The following GREB1 variants were observed in gnomAD, a reference collection of about 807,000 sequenced individuals.
GREB1 encodes growth regulating estrogen receptor binding 1, also known as protein GREB1.
Under a neutral mutation model 200.7 loss-of-function variants are expected in GREB1, and 106 were observed. The ratio of observed to expected loss-of-function variants is 0.53; its 90% CI spans 0.45 to 0.62. GREB1 has a LOEUF of 0.62. Ranked by LOEUF, GREB1 falls within the 20% of genes least tolerant of loss-of-function variation. GREB1 has a pLI of 0.00. For synonymous variants in GREB1, 1,132 were observed against 1,092.4 expected, an observed-to-expected ratio of 1.04 and a Z score of -0.72; for missense variants, 2,243 against 2,556.8, an observed-to-expected ratio of 0.88 and a Z score of 2.65.
At chr2:11,610,528 G>A (rs116699397) in intron 17 of GREB1, among the ~76,000 whole-genome samples, 160 bp from the exon 18 acceptor site, 1,724 of 152,344 alleles carry the variant, frequency 0.011, 30 homozygotes, top group African/African-American at 0.04. Context: ...TCTAAAGAAG[G>A]CTTCTCATTC....
At chr2:11,495,633 A>G (rs1002390906) in intron 1 of GREB1, among the ~76,000 whole-genome samples, 2 of 152,094 alleles carry the variant, frequency 1.3e-5, no homozygotes, top group African/African-American at 4.8e-5. Flanking sequence ...CGTTTTGCAG[A>G]GTGGGAAACT....
intron 28 of GREB1, 85 bp from the exon 29 acceptor site, chr2:11,634,046 G>A (rs1045016358): frequency 7.8e-7 from 1 of 1,276,162 alleles, no homozygotes; most frequent in South Asian, 1.2e-5. Context: ...GGCAGTCTGA[G>A]AGCCGGTGCC....
At chr2:11,591,566 G>A in intron 10 of GREB1, 1 of 656,522 alleles carries the variant, frequency 1.5e-6, no homozygotes, top group Admixed American at 2.3e-5. Flanking sequence ...GTACCCAGTG[G>A]TGCTTAGGTG....
At chr2:11,573,130 C>A (rs1678480848) in intron 4 of GREB1, among the ~76,000 whole-genome samples, 2 of 152,164 alleles carry the variant, frequency 1.3e-5, no homozygotes, top group Admixed American at 1.3e-4. Context: ...CCTCAGACAT[C>A]CAGGCTTATG....
intron 27 of GREB1, 95 bp from the exon 28 acceptor site, chr2:11,632,794 G>A: frequency 9.4e-7 from 1 of 1,066,560 alleles, no homozygotes. Flanking sequence ...GGGCTGGCTT[G>A]TCTGGGCGGC....
chr2:11,525,814 G>A (rs961304989), intron 1 of GREB1, among the ~76,000 whole-genome samples: 3 of 152,104 alleles, frequency 2.0e-5, no homozygotes, highest in African/African-American at 4.8e-5. Flanking sequence ...TCCTGGCCCC[G>A]GCTCCATCCT....
chr2:11,587,727 A>ACC (rs1680283566), intron 9 of GREB1: 1 of 1,203,716 alleles, frequency 8.3e-7, no homozygotes, highest in Non-Finnish European at 1.0e-6. Context: ...ACACACACAC[A>ACC]CACACACACA....
At chr2:11,619,655 T>G (rs927499306) in intron 22 of GREB1, among the ~76,000 whole-genome samples, 3 of 152,248 alleles carry the variant, frequency 2.0e-5, no homozygotes, top group Non-Finnish European at 4.4e-5. Context: ...GTTTTACTAG[T>G]AAGGTTGACA....
chr2:11,635,188 C>T, intron 29 of GREB1, 82 bp from the exon 30 acceptor site: 1 of 1,547,880 alleles, frequency 6.5e-7, no homozygotes, highest in East Asian at 2.3e-5. Flanking sequence ...ACGATGGGGA[C>T]CCACACTCTA....
At chr2:11,586,134 C>T (rs1355485969) in intron 9 of GREB1, among the ~76,000 whole-genome samples, 1 of 152,194 alleles carries the variant, frequency 6.6e-6, no homozygotes, top group Non-Finnish European at 1.5e-5. Context: ...ACAGTGGGTC[C>T]AGGTGAAATG....
intron 1 of GREB1, among the ~76,000 whole-genome samples, chr2:11,546,720 T>G (rs948421452): frequency 6.6e-6 from 1 of 152,200 alleles, no homozygotes; most frequent in Non-Finnish European, 1.5e-5. Context: ...AAAACCCTGC[T>G]CTGCTCAGGA....
rs1289606359 is a variant in GREB1, at chr2:11,580,375, A to G, written c.773-329A>G. ...CAGGCTGTGTGTCCAATGGGGTGTG[A>G]GCAGGAGGGTGCATGTTCCTGGGAG... is the stretch of plus-strand genomic sequence containing the variant. On this transcript the variant is annotated intron_variant, in intron 6 of 32. Transcript: ENST00000381486. This position sits in a 1 kb window ranked among gnomAD's most constrained non-coding sequence, Gnocchi z 4.5. Among the ~76,000 whole-genome samples, 2 of 152,142 alleles carry G rather than the reference A, an allele frequency of 1.3e-5. No individual in the cohort carries two copies. Among genetic ancestry groups the G allele is most frequent in the Non-Finnish European group, 2.9e-5 (2 of 68,026 alleles).
intron 1 of GREB1, among the ~76,000 whole-genome samples, chr2:11,486,614 T>C (rs1672662013): frequency 1.3e-5 from 2 of 152,076 alleles, no homozygotes; most frequent in Non-Finnish European, 2.9e-5. Flanking sequence ...ACGCCTATAA[T>C]CCCAGCACTT....
At chr2:11,636,938 T>TATGGG (rs759465594) in intron 30 of GREB1, among the ~76,000 whole-genome samples, 824 of 26,408 alleles carry the variant, frequency 0.031, 70 homozygotes, top group Non-Finnish European at 0.045. Flanking sequence ...AGAGGCAGGG[T>TATGGG]CATGGGCAGG....
In GREB1 at chr2:11,580,861, G is replaced by A. The variant is rs777608716; in HGVS notation, c.901+29G>A. 2.5e-6 allele frequency: 4 copies of A among 1,613,996 alleles called. No individual in the cohort carries two copies. Among genetic ancestry groups the A allele is most frequent in the Admixed American group, 1.7e-5 (1 of 60,004 alleles). ...GCTCTGCCTGTCCTGGCCGTCCTGG[G>A]GATCCTGCTCTTCTTTGGGCCAAGG... is the stretch of plus-strand genomic sequence containing the variant. On this transcript the variant is annotated intron_variant, in intron 7 of 32. Transcript: ENST00000381486. This position sits in a 1 kb window ranked among gnomAD's most constrained non-coding sequence, Gnocchi z 4.5.
intron 2 of GREB1, among the ~76,000 whole-genome samples, chr2:11,559,359 T>G (rs1238932154): frequency 6.6e-6 from 1 of 152,212 alleles, no homozygotes. Context: ...TCACAGCCCC[T>G]GGAATATCTG....
At chr2:11,483,398 G>A (rs1672565559) in intron 1 of GREB1, among the ~76,000 whole-genome samples, 1 of 151,920 alleles carries the variant, frequency 6.6e-6, no homozygotes, top group Admixed American at 6.6e-5. Flanking sequence ...GCCCTCGGTA[G>A]GTGGGAGCCG....
At chr2:11,503,475 T>G (rs1319587682) in intron 1 of GREB1, among the ~76,000 whole-genome samples, 1 of 152,228 alleles carries the variant, frequency 6.6e-6, no homozygotes, top group Non-Finnish European at 1.5e-5. Flanking sequence ...TGACAAATGT[T>G]GCTCTGATCA....
At chr2:11,547,298 G>A (rs1391379524) in intron 1 of GREB1, among the ~76,000 whole-genome samples, 1 of 152,166 alleles carries the variant, frequency 6.6e-6, no homozygotes, top group African/African-American at 2.4e-5. Context: ...TTTGGAGATC[G>A]GCTTTTAATT....
Sources: allele counts gnomAD v4.1 joint callset (sites outside exome capture counted in the v4.1 genomes callset), GRCh38; gene constraint gnomAD v4.1.1; non-coding constraint Gnocchi (gnomAD v3.1); transcripts MANE v1.5; gene names NCBI Gene and HGNC (gene_info 2026-07-23, HGNC 2026-07-21).